The following MACF1 variants were observed in gnomAD, a reference collection of about 807,000 sequenced individuals.
MACF1 encodes microtubule-actin cross-linking factor 1.
In MACF1, 193 loss-of-function variants were observed where a neutral mutation model predicts 854.8. That is an observed-to-expected ratio of 0.23 (90% CI 0.20 to 0.25). The LOEUF is 0.25. Ranked by LOEUF, MACF1 falls within the 10% of genes least tolerant of loss-of-function variation. The probability of loss-of-function intolerance (pLI) is 1.00; values close to 1 mark genes in which losing one functional copy is unlikely to be tolerated. For missense variants in MACF1, 7,722 were observed against 8,929.1 expected (o/e 0.86, Z 5.45); for synonymous variants, 3,185 against 3,226.7 (o/e 0.99, Z 0.44).
intron 6 of MACF1, among the ~76,000 whole-genome samples, chr1:39,265,211 G>A (rs1377975320): frequency 1.3e-5 from 2 of 152,148 alleles, no homozygotes; most frequent in African/African-American, 4.8e-5. Context: ...ATGGCACTTG[G>A]TGCTTGGCAT....
At chr1:39,254,757 G>C in intron 5 of MACF1, 1 of 223,980 alleles carries the variant, frequency 4.5e-6, no homozygotes. Flanking sequence ...AGATAAGGGG[G>C]TAGTGTGGAT....
At chr1:39,132,841 C>A (rs1182370260) in intron 2 of MACF1, among the ~76,000 whole-genome samples, 1 of 152,152 alleles carries the variant, frequency 6.6e-6, no homozygotes, top group African/African-American at 2.4e-5. Context: ...TGAACCCAAG[C>A]TGTTTTGTTC....
At chr1:39,108,705 G>A (rs558784027) in intron 2 of MACF1, among the ~76,000 whole-genome samples, 1 of 152,240 alleles carries the variant, frequency 6.6e-6, no homozygotes, top group Admixed American at 6.5e-5. Context: ...GAAGAAGCAG[G>A]TCACATATGA....
At chr1:39,446,333 A>G (rs1422853096) in intron 80 of MACF1, among the ~76,000 whole-genome samples, 1 of 151,830 alleles carries the variant, frequency 6.6e-6, no homozygotes, top group East Asian at 1.9e-4. Flanking sequence ...AAAAATATAT[A>G]AAGAATATGT....
At chr1:39,245,705 T>A (rs1478615122) in intron 2 of MACF1, among the ~76,000 whole-genome samples, 1 of 152,214 alleles carries the variant, frequency 6.6e-6, no homozygotes, top group African/African-American at 2.4e-5. Flanking sequence ...CTGGGCAATA[T>A]GGCAAGACTG....
chr1:39,351,468 C>T (rs1033521125), intron 43 of MACF1, among the ~76,000 whole-genome samples: 1 of 152,072 alleles, frequency 6.6e-6, no homozygotes, highest in Non-Finnish European at 1.5e-5. Flanking sequence ...CTATTCCTCC[C>T]CAAACCCCCA....
rs1361425152 is a variant in MACF1, at chr1:39,444,648, G to A, written c.19432-14G>A. 1.9e-6 allele frequency: 3 copies of A among 1,601,646 alleles called. No individual in the cohort carries two copies. The highest frequency in any genetic ancestry group is 1.3e-5 in the African/African-American group (1 of 74,530). ...AATTCGTAGAATTGATATCTTTCCT[G>A]CCTTTTCTTGTAGGAACTCTATTCC... On this transcript the variant is annotated splice_polypyrimidine_tract_variant and intron_variant, in intron 79 of 100. Transcript: ENST00000564288.
intron 2 of MACF1, among the ~76,000 whole-genome samples, chr1:39,116,844 G>C (rs1571060476): frequency 6.6e-6 from 1 of 152,170 alleles, no homozygotes; most frequent in Admixed American, 6.5e-5. Context: ...GACATGGATA[G>C]TGGAGGATTC....
chr1:39,220,065 C>A (rs758325182), intron 1 of MACF1, among the ~76,000 whole-genome samples: 2 of 151,812 alleles, frequency 1.3e-5, no homozygotes, highest in African/African-American at 2.4e-5. Context: ...AAAATACCAT[C>A]TTAATGTGTC....
At chr1:39,159,095 T>C (rs1643747426) in intron 2 of MACF1, among the ~76,000 whole-genome samples, 1 of 152,200 alleles carries the variant, frequency 6.6e-6, no homozygotes, top group Non-Finnish European at 1.5e-5. Context: ...GTGTATTGTA[T>C]AGGGTCTGTA....
chr1:39,393,191 AAAAAAATATATAT>A (rs1361342405), intron 58 of MACF1, among the ~76,000 whole-genome samples: 13 of 102,560 alleles, frequency 1.3e-4, no homozygotes, highest in Admixed American at 1.9e-4. Flanking sequence ...TAAAAAAAAA[AAAAAAATATATAT>A]ATATATATAT....
At chr1:39,184,035 T>C (rs1033965599) in intron 2 of MACF1, among the ~76,000 whole-genome samples, 3 of 152,202 alleles carry the variant, frequency 2.0e-5, no homozygotes, top group African/African-American at 7.2e-5. Context: ...CTGGAAGATA[T>C]TAAATGGTGT....
chr1:39,106,373 C>T (rs1642238153), intron 2 of MACF1, among the ~76,000 whole-genome samples: 1 of 152,166 alleles, frequency 6.6e-6, no homozygotes, highest in Admixed American at 6.5e-5. Flanking sequence ...GCCCTGAAGG[C>T]TCTCTTGCGA....
At chr1:39,345,610 C>G (rs1290511457) in intron 40 of MACF1, among the ~76,000 whole-genome samples, 7 of 151,878 alleles carry the variant, frequency 4.6e-5, no homozygotes, top group African/African-American at 1.7e-4. Context: ...GATCTTGTCT[C>G]AAAAACAAAA....
rs1454636361 is a variant in MACF1 at position 39,480,029 on chromosome 1, A to T, written c.22170+20A>T. 6.7e-7 allele frequency: 1 copy of T among 1,496,128 alleles called. No individual in the cohort carries two copies. The highest frequency in any genetic ancestry group is 9.1e-7 in the Non-Finnish European group (1 of 1,101,564). The allele number at this position is 1,496,128 out of a possible 1,614,324, so 92.7% of individuals were successfully genotyped here. A position where few individuals can be genotyped will look rare whatever the true frequency, so the allele number is the denominator to read the frequency against. On this transcript the variant is annotated intron_variant, in intron 98 of 100. Coordinates refer to ENST00000564288, the MANE Select transcript of MACF1 (RefSeq NM_001394062.1). ...ACCAAGGTATGTACTGATCTCCATT[A>T]TGCCCTTCTTCCCCAATCCCACCCT...
intron 38 of MACF1, among the ~76,000 whole-genome samples, chr1:39,340,231 T>C (rs1222549506): frequency 1.3e-5 from 2 of 152,208 alleles, no homozygotes; most frequent in African/African-American, 4.8e-5. Context: ...CTGGCTGTAC[T>C]GCTTACCAGC....
intron 18 of MACF1, 134 bp downstream of exon 18, chr1:39,293,753 T>C (rs981380543): frequency 1.7e-5 from 12 of 693,396 alleles, no homozygotes; most frequent in Non-Finnish European, 2.3e-5. Context: ...ACTCAATGCA[T>C]CCATGCATGT....
intron 2 of MACF1, among the ~76,000 whole-genome samples, chr1:39,147,308 CTCT>C (rs915159057): frequency 7.5e-5 from 11 of 146,956 alleles, no homozygotes; most frequent in African/African-American, 2.3e-4. Flanking sequence ...CCTTTTCTTC[CTCT>C]TTTTTCCTTC....
At chr1:39,115,561 G>A (rs1324908901) in intron 2 of MACF1, among the ~76,000 whole-genome samples, 1 of 152,130 alleles carries the variant, frequency 6.6e-6, no homozygotes, top group Non-Finnish European at 1.5e-5. Context: ...TTACATTGCG[G>A]TCGAGGCTTC....
Sources: gnomAD v4.1 joint callset for allele counts (sites outside exome capture counted in the v4.1 genomes callset) on GRCh38, gnomAD v4.1.1 for gene constraint, MANE v1.5 for transcripts, NCBI Gene and HGNC (gene_info 2026-07-23, HGNC 2026-07-21) for gene names.